DPYSL3: variants seen among roughly 807,000 people sequenced by gnomAD.
The protein encoded by DPYSL3 is dihydropyrimidinase like 3.
Under a neutral mutation model 66.1 loss-of-function variants are expected in DPYSL3, and 16 were observed. The observed-to-expected ratio is 0.24, with a 90% CI of 0.16 to 0.37. DPYSL3 has a LOEUF of 0.37. Ranked by LOEUF, DPYSL3 falls within the 10% of genes least tolerant of loss-of-function variation. The pLI, the probability that DPYSL3 is intolerant of heterozygous loss-of-function variation, is 1.00. For missense variants in DPYSL3, 738 were observed against 916.2 expected (o/e 0.81, Z 2.51); for synonymous variants, 338 against 345.1 (o/e 0.98, Z 0.23).
chr5:147,455,441 C>T (rs986054536), intron 1 of DPYSL3, among the ~76,000 whole-genome samples: 1 of 152,210 alleles, frequency 6.6e-6, no homozygotes, highest in African/African-American at 2.4e-5. Context: ...CCTCCCTATA[C>T]TCTTGCAAAA....
chr5:147,400,311 C>A (rs1347416900), intron 10 of DPYSL3, among the ~76,000 whole-genome samples: 1 of 152,184 alleles, frequency 6.6e-6, no homozygotes, highest in African/African-American at 2.4e-5. Flanking sequence ...GGTCTAGACA[C>A]AGACTCATTG....
At chr5:147,406,663 A>T (rs982539758) in intron 7 of DPYSL3, among the ~76,000 whole-genome samples, 2 of 152,156 alleles carry the variant, frequency 1.3e-5, no homozygotes, top group African/African-American at 4.8e-5. Context: ...GGTCTGTGTT[A>T]CTCTCAAGTG....
At chr5:147,419,123 A>G (rs1667815146) in intron 2 of DPYSL3, among the ~76,000 whole-genome samples, 1 of 152,178 alleles carries the variant, frequency 6.6e-6, no homozygotes, top group Non-Finnish European at 1.5e-5. Context: ...GCTCCTAACA[A>G]AAGATTCTGT....
chr5:147,441,971 G>C (rs1414764971), intron 1 of DPYSL3, among the ~76,000 whole-genome samples: 1 of 152,122 alleles, frequency 6.6e-6, no homozygotes, highest in East Asian at 1.9e-4. Flanking sequence ...TAAGTTTTCT[G>C]AGGCCCTTTC....
At chr5:147,490,994 T>C (rs909891732) in intron 1 of DPYSL3, among the ~76,000 whole-genome samples, 2 of 152,166 alleles carry the variant, frequency 1.3e-5, no homozygotes, top group Non-Finnish European at 2.9e-5. Context: ...AGAGGAACCA[T>C]TTTGAAATAC....
chr5:147,468,024 TA>T (rs1753035583), intron 1 of DPYSL3, among the ~76,000 whole-genome samples: 1 of 152,186 alleles, frequency 6.6e-6, no homozygotes, highest in Non-Finnish European at 1.5e-5. Flanking sequence ...GCCTACTTCT[TA>T]AAACTGTCAC....
At chr5:147,504,234 A>G (rs1753654116) in intron 1 of DPYSL3, among the ~76,000 whole-genome samples, 1 of 152,228 alleles carries the variant, frequency 6.6e-6, no homozygotes, top group African/African-American at 2.4e-5. Context: ...AACATTACTT[A>G]CAAGAGCTGT....
chr5:147,439,746 G>A (rs1752496627), intron 1 of DPYSL3, among the ~76,000 whole-genome samples: 1 of 151,986 alleles, frequency 6.6e-6, no homozygotes, highest in Non-Finnish European at 1.5e-5. Context: ...GGTGAGAAGT[G>A]GTTGGCTTAA....
At chr5:147,469,808 AG>A (rs985447842) in intron 1 of DPYSL3, among the ~76,000 whole-genome samples, 7 of 152,246 alleles carry the variant, frequency 4.6e-5, no homozygotes, top group Admixed American at 1.3e-4. Flanking sequence ...TCTTAGCCTC[AG>A]TATCATACAT....
rs1353052184 is a variant in DPYSL3 at position 147,453,674 on chromosome 5, G to A, written c.382-28711C>T. On this transcript the variant is annotated intron_variant, in intron 1 of 13. Coordinates refer to ENST00000343218, the MANE Select transcript of DPYSL3 (RefSeq NM_001197294.2). ...CGCCTTCCTCAGCGCACAGCGCCCC[G>A]AGATCAGGTGGAGTGAATGGTGCGC... 25 of 1,463,834 alleles carry A rather than the reference G, an allele frequency of 1.7e-5. No individual in the cohort carries two copies. The East Asian group carries it at 5.7e-4, about 33-fold the overall frequency. The allele number at this position is 1,463,834 out of a possible 1,614,324, so 90.7% of individuals were successfully genotyped here.
At chr5:147,497,721 C>A (rs898638144) in intron 1 of DPYSL3, among the ~76,000 whole-genome samples, 5 of 148,100 alleles carry the variant, frequency 3.4e-5, no homozygotes, top group Non-Finnish European at 7.5e-5. Context: ...AAAAAAAAAA[C>A]TTAGCGAAGT....
At chr5:147,423,438 A>G (rs932237300) in intron 2 of DPYSL3, among the ~76,000 whole-genome samples, 4 of 152,206 alleles carry the variant, frequency 2.6e-5, no homozygotes, top group Admixed American at 6.5e-5. Context: ...GAAACAGAAT[A>G]ATAATAGTAC....
At chr5:147,453,660 G>C (rs2126399599) in intron 1 of DPYSL3, 1 of 1,484,360 alleles carries the variant, frequency 6.7e-7, no homozygotes, top group Non-Finnish European at 9.0e-7. Flanking sequence ...GCCTTCCTCA[G>C]CGCACAGCGC....
At chr5:147,446,009 C>T (rs1752623641) in intron 1 of DPYSL3, among the ~76,000 whole-genome samples, 1 of 152,180 alleles carries the variant, frequency 6.6e-6, no homozygotes, top group Admixed American at 6.5e-5. Flanking sequence ...ACCAAAGCCG[C>T]TTATATCCAA....
intron 1 of DPYSL3, among the ~76,000 whole-genome samples, chr5:147,466,063 C>T (rs1753004391): frequency 1.3e-5 from 2 of 152,200 alleles, no homozygotes; most frequent in South Asian, 2.1e-4. Flanking sequence ...TTCACACTCA[C>T]ATTTATATTT....
Position 147,509,950 on chromosome 5 carries a change from G to A in DPYSL3, c.-92C>T. On this transcript the variant is annotated 5_prime_UTR_variant, in exon 1 of 14. Transcript: ENST00000343218. The surrounding 1 kb of genome is among the most constrained non-coding windows in gnomAD (Gnocchi z 5.3). Reference sequence around the variant, plus strand: ...CGTGCGCCGAGCCACAGTGACTGTGGCGGGAGGAGGCGCCTGAGCCTTCGC... The same window carrying A: ...CGTGCGCCGAGCCACAGTGACTGTGACGGGAGGAGGCGCCTGAGCCTTCGC... 5 of 1,433,620 alleles carry A rather than the reference G, an allele frequency of 3.5e-6. No individual in the cohort carries two copies. The South Asian group carries it at 7.4e-5, about 21-fold the overall frequency. 88.8% of individuals were successfully genotyped at this position (1,433,620 alleles called of 1,614,324 possible). A position where few individuals can be genotyped will look rare whatever the true frequency, so the allele number is the denominator to read the frequency against.
At chr5:147,499,681 T>A (rs1212850143) in intron 1 of DPYSL3, among the ~76,000 whole-genome samples, 4 of 152,212 alleles carry the variant, frequency 2.6e-5, no homozygotes, top group Admixed American at 2.0e-4. Flanking sequence ...TCTAGCACGT[T>A]GTTTTGTTGA....
At chr5:147,413,766 G>T in intron 4 of DPYSL3, 109 bp from the exon 5 acceptor site, 1 of 856,858 alleles carries the variant, frequency 1.2e-6, no homozygotes, top group Admixed American at 2.0e-5. Context: ...TGCATTACCC[G>T]GGCTCCTGTC....
At chr5:147,466,442 C>CT (rs1442733366) in intron 1 of DPYSL3, among the ~76,000 whole-genome samples, 20 of 152,210 alleles carry the variant, frequency 1.3e-4, no homozygotes, top group Non-Finnish European at 2.9e-4. Context: ...CCCACCCTCA[C>CT]TCCACCAGCA....
Sources: allele counts gnomAD v4.1 joint callset (sites outside exome capture counted in the v4.1 genomes callset), GRCh38; gene constraint gnomAD v4.1.1; non-coding constraint Gnocchi (gnomAD v3.1); transcripts MANE v1.5; gene names NCBI Gene and HGNC (gene_info 2026-07-23, HGNC 2026-07-21).